PLEKHM2: variants seen among roughly 807,000 people sequenced by gnomAD.
PLEKHM2 encodes pleckstrin homology domain-containing family M member 2.
A neutral mutation model predicts 116.3 loss-of-function variants in PLEKHM2; 77 were observed. The observed-to-expected ratio is 0.66, with a 90% CI of 0.55 to 0.80. The LOEUF is 0.80. Among genes scored for constraint, PLEKHM2 ranks in the 30% least tolerant of loss-of-function variants. The probability of loss-of-function intolerance (pLI) is 0.00; values close to 1 mark genes in which losing one functional copy is unlikely to be tolerated. For synonymous variants in PLEKHM2, 562 were observed against 571.0 expected, an observed-to-expected ratio of 0.98 and a Z score of 0.22; for missense variants, 1,183 against 1,354.9, an observed-to-expected ratio of 0.87 and a Z score of 1.99.
rs1052497156 is a variant in PLEKHM2, at chr1:15,729,911, C to T, written c.2190C>T (p.Ala730=). 38 of 1,612,112 alleles carry T rather than the reference C, an allele frequency of 2.4e-5. No individual in the cohort carries two copies. Among genetic ancestry groups the T allele is most frequent in the Non-Finnish European group, 3.2e-5 (38 of 1,179,592 alleles). ...MEKLALAKFV[A]QESKCEASAV... ...AGCTGGCACTGGCCAAATTTGTGGC[C>T]CAAGAATCGAAGTGTGAGGTAAGAA... Residue 730 remains alanine (A), a synonymous_variant, in exon 14 of 20, where the codon GCC becomes GCT. Transcript: ENST00000375799. The surrounding 1 kb of genome is among the most constrained non-coding windows in gnomAD (Gnocchi z 4.7).
At chr1:15,730,148 C>T (rs1474848175) in intron 14 of PLEKHM2, among the ~76,000 whole-genome samples, 1 of 152,202 alleles carries the variant, frequency 6.6e-6, no homozygotes, top group African/African-American at 2.4e-5. Flanking sequence ...AAGGTTAAGA[C>T]ACCCTCGCTC....
rs1248276561 is a variant in PLEKHM2 at position 15,734,111 on chromosome 1, T to G, written c.*177T>G. 1 of 680,882 alleles carries G rather than the reference T, an allele frequency of 1.5e-6. No individual in the cohort carries two copies. Among genetic ancestry groups the G allele is most frequent in the Non-Finnish European group, 2.4e-6 (1 of 424,100 alleles). 42.2% of individuals were successfully genotyped at this position (680,882 alleles called of 1,614,324 possible). On this transcript the variant is annotated 3_prime_UTR_variant, in exon 20 of 20. Transcript: ENST00000375799. The stretch of plus-strand genomic sequence containing the variant: ...CTCCACTCCAGGGATCCAGATCAGG[T>G]GCCCGGCACCCCTGGGCATCCTGCC...
chr1:15,692,273 C>T (rs1640903923), intron 1 of PLEKHM2, among the ~76,000 whole-genome samples: 1 of 152,202 alleles, frequency 6.6e-6, no homozygotes, highest in Non-Finnish European at 1.5e-5. Context: ...TTCTCAAAAT[C>T]CCTAAGGACC....
chr1:15,714,348 T>TAAAAA (rs764341573), intron 1 of PLEKHM2, among the ~76,000 whole-genome samples: 2 of 110,226 alleles, frequency 1.8e-5, no homozygotes, highest in Non-Finnish European at 1.9e-5. Flanking sequence ...ATTTTGAAAT[T>TAAAAA]AAAAAAAAAA....
Position 15,728,714 on chromosome 1 carries a change from A to G in PLEKHM2, c.1967A>G (p.Asn656Ser), listed in dbSNP as rs547769286. 3.5e-5 allele frequency: 57 copies of G among 1,611,140 alleles called. No individual in the cohort carries two copies. In the African/African-American group the frequency reaches 6.1e-4, roughly 17 times the overall value. ...PYLVEEAVSY[N>S]ELDYVSVGLD... ...CTGGTGGAAGAGGCCGTTTCTTACA[A>G]TGAACTTGACTATGTGTCGGTGAGT... The change falls in exon 12 of 20, where the codon AAT (asparagine) becomes AGT (serine). Residue 656 changes from asparagine (N) to serine (S), a missense_variant. Coordinates refer to ENST00000375799, the MANE Select transcript of PLEKHM2 (RefSeq NM_015164.4). This position sits in a 1 kb window ranked among gnomAD's most constrained non-coding sequence, Gnocchi z 5.9.
chr1:15,687,915 A>G (rs1021309103), intron 1 of PLEKHM2, among the ~76,000 whole-genome samples: 1 of 152,228 alleles, frequency 6.6e-6, no homozygotes, highest in African/African-American at 2.4e-5. Context: ...AGAAAATGAG[A>G]TGCATATTTC....
chr1:15,727,105 T>C lies in PLEKHM2; in HGVS notation c.1033T>C (p.Cys345Arg), dbSNP rs748598011. 6.4e-7 allele frequency: 1 copy of C among 1,567,068 alleles called. No individual in the cohort carries two copies. Among genetic ancestry groups the C allele is most frequent in the Non-Finnish European group, 8.6e-7 (1 of 1,156,426 alleles). ...PLHPACSQKK[C>R]AKQGDGDSRN... ...CCACCCCGCCTGCAGCCAGAAGAAA[T>C]GTGCCAAGCAGGGGGACGGTGACAG... Residue 345 changes from cysteine to arginine, a missense_variant, in exon 9 of 20, where the codon TGT becomes CGT. Cys to Arg is a radical substitution (Grantham distance 180). This residue lies in a region of PLEKHM2 where 372 missense variants were observed against 357.2 expected (regional missense o/e 1.04). Coordinates refer to ENST00000375799, the MANE Select transcript of PLEKHM2 (RefSeq NM_015164.4). The surrounding 1 kb of genome is among the most constrained non-coding windows in gnomAD (Gnocchi z 7.5).
At chr1:15,724,555 A>G (rs544171936) in intron 7 of PLEKHM2, among the ~76,000 whole-genome samples, 1 of 151,434 alleles carries the variant, frequency 6.6e-6, no homozygotes, top group African/African-American at 2.4e-5. Flanking sequence ...GCCCCCGAGG[A>G]GTGTGTAGGG....
At chr1:15,683,446 C>T (rs1052407693), upstream of PLEKHM2, among the ~76,000 whole-genome samples, 3 of 148,514 alleles carry the variant, frequency 2.0e-5, no homozygotes, top group Non-Finnish European at 3.0e-5. Flanking sequence ...TAAAGAGGGC[C>T]GGCGGGAGGG....
chr1:15,709,947 CG>C (rs1641297577), intron 1 of PLEKHM2, among the ~76,000 whole-genome samples: 1 of 152,004 alleles, frequency 6.6e-6, no homozygotes, highest in Admixed American at 6.6e-5. Flanking sequence ...TAGTACAAGC[CG>C]GGCGCGGTGG....
intron 1 of PLEKHM2, among the ~76,000 whole-genome samples, chr1:15,705,703 C>G (rs1243152717): frequency 6.6e-6 from 1 of 152,184 alleles, no homozygotes; most frequent in Admixed American, 6.6e-5. Context: ...GTAGCCAGCT[C>G]CCAGCCCCCA....
At chr1:15,697,214 G>C (rs1641016053) in intron 1 of PLEKHM2, among the ~76,000 whole-genome samples, 3 of 152,236 alleles carry the variant, frequency 2.0e-5, no homozygotes, top group Non-Finnish European at 4.4e-5. Context: ...AGAAAACCGA[G>C]CTCAGGGTCT....
At position 15,716,689 on chromosome 1, in the gene PLEKHM2, C is replaced by A; in HGVS notation, c.168-18C>A. Reference sequence around the variant, plus strand: ...TGGCCCCATGCAGGTCACAGCAGCTCCTGTCCTGTTTTCTCAGACTGCAAG... The same window carrying A: ...TGGCCCCATGCAGGTCACAGCAGCTACTGTCCTGTTTTCTCAGACTGCAAG... On this transcript the variant is annotated intron_variant, in intron 2 of 19. Coordinates refer to ENST00000375799, the MANE Select transcript of PLEKHM2 (RefSeq NM_015164.4). The A allele has an allele frequency of 6.4e-7, 1 of 1,555,702 alleles. No individual in the cohort carries two copies. The highest frequency in any genetic ancestry group is 8.7e-7 in the Non-Finnish European group (1 of 1,149,280).
Position 15,719,829 on chromosome 1 carries a change from C to T in PLEKHM2, c.561C>T (p.His187=), listed in dbSNP as rs115985482. 5.5e-3 allele frequency: 8,840 copies of T among 1,613,820 alleles called. 53 individuals are homozygous for T. Among genetic ancestry groups the T allele is most frequent in the Middle Eastern group, 0.024 (143 of 6,062 alleles). The change falls in exon 6 of 20, where the codon CAC becomes CAT. Residue 187 remains histidine (H), a synonymous_variant. Coordinates refer to ENST00000375799, the MANE Select transcript of PLEKHM2 (RefSeq NM_015164.4). This position sits in a 1 kb window ranked among gnomAD's most constrained non-coding sequence, Gnocchi z 4.1. ...AAGACCGCCTTCCCAGCTCGGTCCA[C>T]GGCTCAGACAGTCTGTCCCTCAACT... is the stretch of plus-strand genomic sequence containing the variant. ...DFEDRLPSSV[H]GSDSLSLNSF... is the part of the protein sequence containing the mutation.
At chr1:15,706,617 G>A (rs1641231425) in intron 1 of PLEKHM2, among the ~76,000 whole-genome samples, 1 of 152,212 alleles carries the variant, frequency 6.6e-6, no homozygotes, top group African/African-American at 2.4e-5. Flanking sequence ...ACGTTGGTCA[G>A]GCTGGTCTCG....
At position 15,734,232 on chromosome 1, in the gene PLEKHM2, G is replaced by A; in HGVS notation, c.*298G>A. 2.6e-6 allele frequency: 1 copy of A among 381,092 alleles called. No homozygotes were observed. Among genetic ancestry groups the A allele is most frequent in the Non-Finnish European group, 4.7e-6 (1 of 211,438 alleles). The allele number at this position is 381,092 out of a possible 1,614,324, so 23.6% of individuals were successfully genotyped here. A position where few individuals can be genotyped will look rare whatever the true frequency, so the allele number is the denominator to read the frequency against. On this transcript the variant is annotated 3_prime_UTR_variant, in exon 20 of 20. Transcript: ENST00000375799. ...TCCTCCCGGGCCTCCGCCTCAGTCT[G>A]CAGAATTTCTGCCGAGTGGCACCGA...
intron 8 of PLEKHM2, 155 bp downstream of exon 8, chr1:15,725,700 G>A (rs1008179533): frequency 1.6e-6 from 1 of 614,004 alleles, no homozygotes; most frequent in Admixed American, 2.9e-5. Context: ...GGTTCTTTGA[G>A]CAAGAGGAAG....
intron 3 of PLEKHM2, 31 bp from the exon 4 acceptor site, chr1:15,717,862 T>A (rs1409453737): frequency 3.5e-6 from 5 of 1,447,532 alleles, no homozygotes; most frequent in Non-Finnish European, 4.8e-6. Flanking sequence ...TGAGAGGCCT[T>A]CCTGCCGGTT....
At position 15,719,307 on chromosome 1, in the gene PLEKHM2, C is replaced by T. The variant is rs757254536; in HGVS notation, c.466-427C>T. 2.0e-5 allele frequency among the ~76,000 whole-genome samples: 3 copies of T among 152,060 alleles called. No individual in the cohort carries two copies. Among genetic ancestry groups the T allele is most frequent in the South Asian group, 2.1e-4 (1 of 4,828 alleles). ...TCTACTAAAAAAATACAAAAGTTAG[C>T]GGGGTGTGGTGATGGGCGCCTATAA... On this transcript the variant is annotated intron_variant, in intron 5 of 19. Transcript: ENST00000375799. The surrounding 1 kb of genome is among the most constrained non-coding windows in gnomAD (Gnocchi z 4.1).
Sources: gnomAD v4.1 joint callset for allele counts (sites outside exome capture counted in the v4.1 genomes callset) on GRCh38, gnomAD v4.1.1 for gene constraint, gnomAD v4.1.1 regional missense constraint, Gnocchi (gnomAD v3.1) non-coding constraint, MANE v1.5 for transcripts, NCBI Gene and HGNC (gene_info 2026-07-23, HGNC 2026-07-21) for gene names.